RSRC1: variants seen among roughly 807,000 people sequenced by gnomAD.
The protein encoded by RSRC1 is arginine and serine rich coiled-coil 1.
RSRC1 carries 39 observed loss-of-function variants against 49.1 expected under a neutral mutation model. The ratio of observed to expected loss-of-function variants is 0.79; its 90% CI spans 0.61 to 1.04. The LOEUF is 1.04. RSRC1 is among the 50% of genes least tolerant of loss of function. The pLI is 0.00. For synonymous variants in RSRC1, 143 were observed against 130.8 expected, an observed-to-expected ratio of 1.09 and a Z score of -0.63; for missense variants, 388 against 402.4, an observed-to-expected ratio of 0.96 and a Z score of 0.31.
intron 3 of RSRC1, among the ~76,000 whole-genome samples, chr3:158,183,338 T>A (rs1008344836): frequency 6.6e-6 from 1 of 152,138 alleles, no homozygotes; most frequent in African/African-American, 2.4e-5. Flanking sequence ...AAAGTTTTTT[T>A]AAAATAACCT....
At chr3:158,289,602 C>A (rs1360717423) in intron 4 of RSRC1, among the ~76,000 whole-genome samples, 1 of 152,122 alleles carries the variant, frequency 6.6e-6, no homozygotes, top group East Asian at 1.9e-4. Flanking sequence ...TGAAAACCAT[C>A]ATTCTGAACT....
chr3:158,212,593 G>A (rs879473685), intron 4 of RSRC1, among the ~76,000 whole-genome samples: 1 of 151,810 alleles, frequency 6.6e-6, no homozygotes, highest in African/African-American at 2.4e-5. Flanking sequence ...TGTTGATTTT[G>A]TATATGGTTA....
intron 4 of RSRC1, among the ~76,000 whole-genome samples, chr3:158,297,100 A>G (rs1044485192): frequency 2.6e-5 from 4 of 152,056 alleles, no homozygotes; most frequent in African/African-American, 9.7e-5. Context: ...TTGTTGGAGG[A>G]TTTATATTAA....
At chr3:158,182,955 A>T (rs994351770) in intron 3 of RSRC1, among the ~76,000 whole-genome samples, 1 of 152,126 alleles carries the variant, frequency 6.6e-6, no homozygotes, top group Non-Finnish European at 1.5e-5. Flanking sequence ...CTGATTTGAT[A>T]ATTTCTAAGG....
chr3:158,253,799 G>A (rs987288274), intron 4 of RSRC1, among the ~76,000 whole-genome samples: 5 of 152,056 alleles, frequency 3.3e-5, no homozygotes, highest in Non-Finnish European at 4.4e-5. Flanking sequence ...AAGTTCCAGG[G>A]TACTTGTGCA....
chr3:158,326,345 A>T (rs145496061), intron 5 of RSRC1, among the ~76,000 whole-genome samples: 2,061 of 152,334 alleles, frequency 0.014, 22 homozygotes, highest in Middle Eastern at 0.031. Context: ...TTGCCCATTC[A>T]GTATGATATT....
intron 6 of RSRC1, among the ~76,000 whole-genome samples, chr3:158,376,687 C>T (rs143669597): frequency 7.9e-5 from 12 of 152,138 alleles, no homozygotes; most frequent in Non-Finnish European, 2.9e-5. Context: ...TGTGTGGTGT[C>T]AAGTGTTTTG....
At chr3:158,486,668 G>C (rs995779367) in intron 7 of RSRC1, among the ~76,000 whole-genome samples, 1 of 152,018 alleles carries the variant, frequency 6.6e-6, no homozygotes, top group Non-Finnish European at 1.5e-5. Flanking sequence ...GGGGAGGTGG[G>C]AGAACATTTT....
chr3:158,292,226 C>T (rs890115949), intron 4 of RSRC1, among the ~76,000 whole-genome samples: 2 of 152,162 alleles, frequency 1.3e-5, no homozygotes, highest in African/African-American at 4.8e-5. Context: ...GGATGAACAG[C>T]CTGTGACACT....
intron 8 of RSRC1, among the ~76,000 whole-genome samples, chr3:158,540,873 A>G (rs73154331): frequency 0.25 from 37,735 of 152,144 alleles, 4,735 homozygotes; most frequent in South Asian, 0.3. Context: ...GAACTTGACA[A>G]GATGTGTAAG....
In RSRC1 at chr3:158,282,008, C is replaced by T. The variant is rs1182337688; in HGVS notation, c.495-16031C>T. ...GCAGGCCTCATGGAAGAAAGCTGCC[C>T]TCCTCATACTGGTACACATACTTGG... On this transcript the variant is annotated intron_variant, in intron 4 of 9. Transcript: ENST00000611884. Among the ~76,000 whole-genome samples, 6 of 152,268 alleles carry T rather than the reference C, an allele frequency of 3.9e-5. No individual in the cohort carries two copies. In the East Asian group the frequency reaches 5.8e-4, roughly 15 times the overall value.
intron 5 of RSRC1, among the ~76,000 whole-genome samples, chr3:158,330,006 G>C (rs1410406666): frequency 6.6e-6 from 1 of 152,194 alleles, no homozygotes; most frequent in Non-Finnish European, 1.5e-5. Flanking sequence ...AATGAGCGAG[G>C]CTCCGTGGGC....
At chr3:158,265,240 G>C (rs1469148595) in intron 4 of RSRC1, among the ~76,000 whole-genome samples, 1 of 152,136 alleles carries the variant, frequency 6.6e-6, no homozygotes, top group Non-Finnish European at 1.5e-5. Context: ...ATACATTTTG[G>C]AATTTTTTTC....
At chr3:158,503,965 C>G (rs1739732238) in intron 7 of RSRC1, among the ~76,000 whole-genome samples, 1 of 152,166 alleles carries the variant, frequency 6.6e-6, no homozygotes. Flanking sequence ...TTTTTCCCCC[C>G]AGCTCCTCTA....
chr3:158,359,906 C>T (rs1731375992), intron 6 of RSRC1, among the ~76,000 whole-genome samples: 1 of 152,144 alleles, frequency 6.6e-6, no homozygotes, highest in African/African-American at 2.4e-5. Context: ...TCAGAGGGGA[C>T]TGGCAGAGGG....
chr3:158,503,351 T>A (rs572059423), intron 7 of RSRC1, among the ~76,000 whole-genome samples: 1 of 152,250 alleles, frequency 6.6e-6, no homozygotes, highest in Non-Finnish European at 1.5e-5. Context: ...GTTCCATTTT[T>A]GTGAGGGTTG....
At chr3:158,391,166 C>A (rs2108294257) in intron 6 of RSRC1, among the ~76,000 whole-genome samples, 1 of 152,232 alleles carries the variant, frequency 6.6e-6, no homozygotes, top group South Asian at 2.1e-4. Context: ...ATTCTCCACA[C>A]CCCCACCCTG....
At chr3:158,432,952 TTAGA>T (rs1183965862) in intron 6 of RSRC1, among the ~76,000 whole-genome samples, 13 of 151,884 alleles carry the variant, frequency 8.6e-5, no homozygotes, top group African/African-American at 3.1e-4. Context: ...GAAATTCAAC[TTAGA>T]TAATTATATG....
At chr3:158,516,680 C>T (rs1031648458) in intron 7 of RSRC1, among the ~76,000 whole-genome samples, 12 of 152,340 alleles carry the variant, frequency 7.9e-5, no homozygotes, top group East Asian at 1.9e-4. Context: ...CAATGGTGGG[C>T]GCCCCTTCCC....
Sources: allele counts gnomAD v4.1 joint callset (sites outside exome capture counted in the v4.1 genomes callset), GRCh38; gene constraint gnomAD v4.1.1; transcripts MANE v1.5; gene names NCBI Gene and HGNC (gene_info 2026-07-23, HGNC 2026-07-21).